Variants in FOXK2 observed in about 807,000 individuals in gnomAD.
FOXK2 encodes the protein forkhead box K2.
A neutral mutation model predicts 53.3 loss-of-function variants in FOXK2; 24 were observed. That is an observed-to-expected ratio of 0.45 (90% CI 0.33 to 0.63). FOXK2 has a LOEUF of 0.63. Ranked by LOEUF, FOXK2 falls within the 30% of genes least tolerant of loss-of-function variation. FOXK2 has a pLI of 0.03. For synonymous variants in FOXK2, 505 were observed against 407.1 expected (o/e 1.24, Z -2.89); for missense variants, 952 against 910.5 (o/e 1.05, Z -0.59).
chr17:82,522,461 C>T (rs1051714518), intron 1 of FOXK2, among the ~76,000 whole-genome samples: 1 of 151,288 alleles, frequency 6.6e-6, no homozygotes, highest in Non-Finnish European at 1.5e-5. Context: ...CTATGCCTCC[C>T]GGGTTCACAT....
chr17:82,563,600 C>T, intron 2 of FOXK2, 52 bp downstream of exon 2: 1 of 1,511,696 alleles, frequency 6.6e-7, no homozygotes, highest in Non-Finnish European at 9.0e-7. Context: ...AGTGGCAGCC[C>T]CAAGTAACGC....
At chr17:82,540,387 A>G (rs1177444817) in intron 1 of FOXK2, among the ~76,000 whole-genome samples, 2 of 151,928 alleles carry the variant, frequency 1.3e-5, no homozygotes, top group Non-Finnish European at 2.9e-5. Context: ...TCCCTGTCTT[A>G]TGTCCATTCT....
At chr17:82,520,352 C>A (rs1335666294) in intron 1 of FOXK2, 45 bp downstream of exon 1, 2 of 1,233,452 alleles carry the variant, frequency 1.6e-6, no homozygotes. Flanking sequence ...CGGCCTGCAG[C>A]GCCTGGCAGG....
At chr17:82,596,105 A>G in intron 8 of FOXK2, 1 of 1,057,100 alleles carries the variant, frequency 9.5e-7, no homozygotes, top group South Asian at 2.7e-5. Context: ...GGTTGAGGCC[A>G]CACCTGCGGC....
intron 1 of FOXK2, among the ~76,000 whole-genome samples, chr17:82,551,353 G>A (rs998137124): frequency 6.7e-6 from 1 of 150,182 alleles, no homozygotes; most frequent in Non-Finnish European, 1.5e-5. Flanking sequence ...AAATAAACAT[G>A]ATGGCATGTC....
intron 3 of FOXK2, 50 bp from the exon 4 acceptor site, chr17:82,571,674 C>A: frequency 6.9e-7 from 1 of 1,444,548 alleles, no homozygotes; most frequent in Non-Finnish European, 9.1e-7. Flanking sequence ...AAATTTAATA[C>A]AAAATATGGT....
chr17:82,525,636 C>A, intron 1 of FOXK2, among the ~76,000 whole-genome samples: 1 of 152,148 alleles, frequency 6.6e-6, no homozygotes, highest in East Asian at 1.9e-4. Context: ...TAAAAATAGG[C>A]AACTCTTTAA....
At chr17:82,569,587 T>C (rs979437700) in intron 3 of FOXK2, among the ~76,000 whole-genome samples, 16 of 152,336 alleles carry the variant, frequency 1.1e-4, no homozygotes, top group Admixed American at 9.2e-4. Context: ...CTGACATAAA[T>C]GTATCATGAG....
intron 1 of FOXK2, among the ~76,000 whole-genome samples, chr17:82,561,416 T>C (rs2044792105): frequency 6.6e-6 from 1 of 151,464 alleles, no homozygotes; most frequent in African/African-American, 2.4e-5. Flanking sequence ...GGAGTGAGGG[T>C]AGAGGGAGAA....
chr17:82,571,102 C>A (rs367736329), intron 3 of FOXK2, among the ~76,000 whole-genome samples: 11 of 152,114 alleles, frequency 7.2e-5, no homozygotes, highest in African/African-American at 2.7e-4. Flanking sequence ...CCAGCCTTAC[C>A]CACCCCTCGC....
intron 8 of FOXK2, among the ~76,000 whole-genome samples, chr17:82,596,701 A>AC (rs2045317092): frequency 6.6e-6 from 1 of 152,192 alleles, no homozygotes; most frequent in African/African-American, 2.4e-5. Flanking sequence ...TAGGATTCCT[A>AC]CACCAAGCCT....
At chr17:82,583,236 G>A (rs56287631) in intron 5 of FOXK2, among the ~76,000 whole-genome samples, 1 of 152,210 alleles carries the variant, frequency 6.6e-6, no homozygotes, top group Non-Finnish European at 1.5e-5. Context: ...CCTTGGCACA[G>A]GAAAAGTTCT....
At chr17:82,520,538 C>A (rs528627275) in intron 1 of FOXK2, among the ~76,000 whole-genome samples, 13 of 152,304 alleles carry the variant, frequency 8.5e-5, no homozygotes, top group Admixed American at 1.3e-4. Flanking sequence ...CCCCGTCTTT[C>A]CCCCTTCCTG....
At chr17:82,527,189 A>G (rs2044427111) in intron 1 of FOXK2, among the ~76,000 whole-genome samples, 1 of 152,106 alleles carries the variant, frequency 6.6e-6, no homozygotes, top group Non-Finnish European at 1.5e-5. Context: ...CAGTGTACAA[A>G]TCAGTTGCCT....
At chr17:82,550,502 CT>C (rs1304088522) in intron 1 of FOXK2, among the ~76,000 whole-genome samples, 444 of 126,844 alleles carry the variant, frequency 3.5e-3, no homozygotes, top group African/African-American at 4.9e-3. Context: ...CTGAGGCGGG[CT>C]TTTTTTTTTT....
intron 1 of FOXK2, chr17:82,559,511 G>A (rs1013952386): frequency 1.1e-5 from 5 of 456,272 alleles, no homozygotes; most frequent in Admixed American, 2.3e-5. Flanking sequence ...CTGGGAACAC[G>A]TCCCCACGTG....
intron 8 of FOXK2, among the ~76,000 whole-genome samples, chr17:82,588,638 G>A (rs925494170): frequency 4.7e-4 from 71 of 152,092 alleles, no homozygotes; most frequent in Admixed American, 3.0e-3. Context: ...CAGAGTTCCC[G>A]ACTAGGCCTG....
chr17:82,597,142 C>T (rs1040191958), intron 8 of FOXK2, among the ~76,000 whole-genome samples: 6 of 152,198 alleles, frequency 3.9e-5, no homozygotes, highest in African/African-American at 7.2e-5. Flanking sequence ...CACGTGGGCC[C>T]GAGGTGCTCA....
chr17:82,525,070 G>T (rs2044403423), intron 1 of FOXK2, among the ~76,000 whole-genome samples: 2 of 151,614 alleles, frequency 1.3e-5, no homozygotes, highest in African/African-American at 4.8e-5. Flanking sequence ...CCGCCTCCCG[G>T]GTTCAAGTGA....
Sources: gnomAD v4.1 joint callset for allele counts (sites outside exome capture counted in the v4.1 genomes callset) on GRCh38, gnomAD v4.1.1 for gene constraint, MANE v1.5 for transcripts, NCBI Gene and HGNC (gene_info 2026-07-23, HGNC 2026-07-21) for gene names.